The following EML6 variants were observed in gnomAD, a reference collection of about 807,000 sequenced individuals.
EML6 encodes the protein echinoderm microtubule-associated protein-like 6.
EML6 carries 154 observed loss-of-function variants against 240.1 expected under a neutral mutation model. The ratio of observed to expected loss-of-function variants is 0.64; its 90% CI spans 0.56 to 0.73. EML6 has a LOEUF of 0.73. Ranked by LOEUF, EML6 falls within the 30% of genes least tolerant of loss-of-function variation. EML6 has a pLI of 0.00. For missense variants in EML6, 2,964 were observed against 2,474.6 expected (o/e 1.20, Z -4.20); for synonymous variants, 1,148 against 899.0 (o/e 1.28, Z -4.95).
chr2:54,862,296 C>T lies in EML6; in HGVS notation c.1826-1487C>T, dbSNP rs557819254. The stretch of plus-strand genomic sequence containing the variant: ...AAGGTTGCAGTGAGCCACGATTGTG[C>T]CACCGCACTCCAGCCTGGGTGACAT... On this transcript the variant is annotated intron_variant, in intron 12 of 41. Transcript: ENST00000356458. Among the ~76,000 whole-genome samples, 30 of 141,678 alleles carry T rather than the reference C, an allele frequency of 2.1e-4. 1 individual carries two copies. In the South Asian group the frequency reaches 5.9e-3, roughly 28 times the overall value. 92.9% of individuals were successfully genotyped at this position (141,678 alleles called of 152,430 possible).
chr2:54,799,800 T>G (rs1273283138), intron 2 of EML6, among the ~76,000 whole-genome samples: 1 of 152,212 alleles, frequency 6.6e-6, no homozygotes, highest in Non-Finnish European at 1.5e-5. Context: ...GAGGTAAAAT[T>G]AGCTCCAAGT....
chr2:54,734,353 GTGATA>G (rs1262947857), intron 2 of EML6, among the ~76,000 whole-genome samples: 2 of 152,098 alleles, frequency 1.3e-5, no homozygotes, highest in Non-Finnish European at 2.9e-5. Flanking sequence ...ATAAAAATTG[GTGATA>G]TGATATATCA....
At chr2:54,747,565 G>A (rs1190997582) in intron 2 of EML6, 2 of 152,170 alleles carry the variant, frequency 1.3e-5, no homozygotes, top group South Asian at 2.1e-4. Flanking sequence ...TAGGCTAGGA[G>A]AAAATTAGTA....
At chr2:54,945,386 G>A (rs137930538) in intron 28 of EML6, among the ~76,000 whole-genome samples, 219 of 150,190 alleles carry the variant, frequency 1.5e-3, no homozygotes, top group African/African-American at 5.2e-3. Flanking sequence ...GAAGAAAGCT[G>A]TTTCCTCCAA....
intron 31 of EML6, among the ~76,000 whole-genome samples, chr2:54,953,010 C>G (rs892329677): frequency 6.6e-6 from 1 of 152,146 alleles, no homozygotes; most frequent in East Asian, 1.9e-4. Flanking sequence ...GGTTATTGTG[C>G]TTGGCCAGGG....
chr2:54,834,688 A>G (rs1462888228), intron 7 of EML6, among the ~76,000 whole-genome samples: 3 of 152,090 alleles, frequency 2.0e-5, no homozygotes, highest in Non-Finnish European at 4.4e-5. Flanking sequence ...TGGACTATAA[A>G]CTCCGCATCC....
intron 28 of EML6, among the ~76,000 whole-genome samples, chr2:54,932,209 C>T (rs1226391937): frequency 6.6e-6 from 1 of 152,210 alleles, no homozygotes; most frequent in Non-Finnish European, 1.5e-5. Context: ...AGGTGTTCAG[C>T]GGGTAGCCCA....
At chr2:54,837,641 C>T (rs1558595745) in intron 7 of EML6, among the ~76,000 whole-genome samples, 3 of 152,180 alleles carry the variant, frequency 2.0e-5, no homozygotes, top group Admixed American at 1.3e-4. Flanking sequence ...ACTGAAGAAC[C>T]ACTGCATTAG....
At chr2:54,896,321 C>T (rs953786492) in intron 21 of EML6, among the ~76,000 whole-genome samples, 1 of 152,154 alleles carries the variant, frequency 6.6e-6, no homozygotes, top group Non-Finnish European at 1.5e-5. Context: ...CACCTGTGCC[C>T]CTTTGGAATG....
Position 54,806,612 on chromosome 2 carries a change from C to CAAAAAAAAAAAAAA in EML6, c.198-6601_198-6588dup. Among the ~76,000 whole-genome samples the CAAAAAAAAAAAAAA allele has an allele frequency of 2.1e-3, 111 of 52,862 alleles. 1 individual carries two copies. The highest frequency in any genetic ancestry group is 2.3e-3 in the Non-Finnish European group (69 of 29,648). 34.7% of individuals were successfully genotyped at this position (52,862 alleles called of 152,430 possible). A position where few individuals can be genotyped will look rare whatever the true frequency, so the allele number is the denominator to read the frequency against. On this transcript the variant is annotated intron_variant, in intron 2 of 41. Transcript: ENST00000356458. ...TGGGCAACAAGAGTGACTCCGTCTC[C>CAAAAAAAAAAAAAA]AAAAAAAAAAAAAAAAAAAAAAAAA...
intron 2 of EML6, among the ~76,000 whole-genome samples, chr2:54,743,128 G>C (rs1489506497): frequency 6.6e-6 from 1 of 152,150 alleles, no homozygotes; most frequent in Non-Finnish European, 1.5e-5. Flanking sequence ...TCAGGGTCCC[G>C]GGTGGCTGGA....
chr2:54,839,858 T>C (rs1209883055), intron 7 of EML6, among the ~76,000 whole-genome samples: 1 of 9,998 alleles, frequency 1.0e-4, no homozygotes, highest in Non-Finnish European at 1.5e-4. Context: ...TTGGAAGGTT[T>C]TGGTCTTTGT....
At chr2:54,969,655 G>A (rs1366239174) in intron 41 of EML6, among the ~76,000 whole-genome samples, 1 of 152,222 alleles carries the variant, frequency 6.6e-6, no homozygotes, top group South Asian at 2.1e-4. Flanking sequence ...AAAAGAAGTG[G>A]CCTTAACCGT....
In EML6 at chr2:54,724,147, G is replaced by T. The variant is rs1682803464; in HGVS notation, c.-514+370G>T. 6.6e-6 allele frequency among the ~76,000 whole-genome samples: 1 copy of T among 152,116 alleles called. No homozygotes were observed. Among genetic ancestry groups the T allele is most frequent in the African/African-American group, 2.4e-5 (1 of 41,416 alleles). On this transcript the variant is annotated intron_variant, in intron 1 of 41. Transcript: ENST00000356458. The surrounding 1 kb of genome is among the most constrained non-coding windows in gnomAD (Gnocchi z 5.2). ...ACTGCACTAGTGCCTCGTTTCTTCC[G>T]AGTAAGACAATCTTTCATGATGCGG...
intron 2 of EML6, among the ~76,000 whole-genome samples, chr2:54,741,266 C>A (rs773098186): frequency 2.0e-5 from 3 of 152,234 alleles, no homozygotes; most frequent in Middle Eastern, 3.4e-3. Flanking sequence ...GGCCTCCTGG[C>A]TTTGATGGTT....
In EML6 at chr2:54,752,697, C is replaced by G. The variant is rs530546937; in HGVS notation, c.197+27439C>G. ...AATTTATTCTGTACTTGCTCTTAGC[C>G]AAAAGGCCAAGAAGTGATAAATATA... On this transcript the variant is annotated intron_variant, in intron 2 of 41. Coordinates refer to ENST00000356458, the MANE Select transcript of EML6 (RefSeq NM_001039753.4). Among the ~76,000 whole-genome samples the G allele has an allele frequency of 2.6e-5, 4 of 152,276 alleles. No homozygotes were observed. In the East Asian group the frequency reaches 5.8e-4, roughly 22 times the overall value.
At chr2:54,918,513 A>T (rs1674053402) in intron 26 of EML6, among the ~76,000 whole-genome samples, 1 of 151,856 alleles carries the variant, frequency 6.6e-6, no homozygotes, top group African/African-American at 2.4e-5. Context: ...TGCCCAGCTA[A>T]TTTTTTTACT....
intron 16 of EML6, among the ~76,000 whole-genome samples, chr2:54,876,461 A>G (rs1290940526): frequency 6.6e-6 from 1 of 152,190 alleles, no homozygotes; most frequent in East Asian, 1.9e-4. Context: ...ATAAGCTGAC[A>G]GGGCCTTGCA....
intron 28 of EML6, among the ~76,000 whole-genome samples, chr2:54,936,885 G>A (rs544595052): frequency 1.3e-5 from 2 of 151,418 alleles, no homozygotes; most frequent in East Asian, 3.9e-4. Context: ...CTCACCTAAA[G>A]CATATTTTTT....
Sources: gnomAD v4.1 joint callset for allele counts (sites outside exome capture counted in the v4.1 genomes callset) on GRCh38, gnomAD v4.1.1 for gene constraint, Gnocchi (gnomAD v3.1) non-coding constraint, MANE v1.5 for transcripts, NCBI Gene and HGNC (gene_info 2026-07-23, HGNC 2026-07-21) for gene names.